Variants in SYNPR observed in about 807,000 individuals in gnomAD.
SYNPR encodes the protein synaptoporin.
Under a neutral mutation model 32.9 loss-of-function variants are expected in SYNPR, and 23 were observed. The ratio of observed to expected loss-of-function variants is 0.70; its 90% confidence interval spans 0.50 to 0.99. SYNPR has a LOEUF of 0.99. SYNPR is among the 50% of genes least tolerant of loss of function. The probability of loss-of-function intolerance (pLI) is 0.00; values close to 1 mark genes in which losing one functional copy is unlikely to be tolerated. For synonymous variants in SYNPR, 146 were observed against 135.9 expected (o/e 1.07, Z -0.52); for missense variants, 318 against 349.3 (o/e 0.91, Z 0.71).
intron 4 of SYNPR, among the ~76,000 whole-genome samples, chr3:63,559,124 G>A (rs35315042): frequency 1.4e-5 from 2 of 145,386 alleles, no homozygotes; most frequent in Non-Finnish European, 3.0e-5. Context: ...CTGCTGTGTA[G>A]TGGAGCGATC....
At chr3:63,380,545 T>C (rs978076931) in intron 2 of SYNPR, among the ~76,000 whole-genome samples, 19 of 152,228 alleles carry the variant, frequency 1.2e-4, no homozygotes, top group African/African-American at 4.6e-4. Context: ...GTTTGTTTTT[T>C]TCTTGTAAAT....
At chr3:63,242,708 G>T (rs1283490755) in intron 1 of SYNPR, among the ~76,000 whole-genome samples, 1 of 152,084 alleles carries the variant, frequency 6.6e-6, no homozygotes, top group Non-Finnish European at 1.5e-5. Flanking sequence ...AACATGAAAG[G>T]AAGTGAATTG....
At chr3:63,468,203 A>G (rs1157173597) in intron 2 of SYNPR, among the ~76,000 whole-genome samples, 1 of 151,858 alleles carries the variant, frequency 6.6e-6, no homozygotes, top group East Asian at 1.9e-4. Flanking sequence ...TCAAAAAAAA[A>G]AAAAAAAAAA....
chr3:63,595,710 T>A (rs1181800078), intron 4 of SYNPR, among the ~76,000 whole-genome samples: 6 of 79,606 alleles, frequency 7.5e-5, no homozygotes, highest in Admixed American at 2.0e-4. Context: ...GACTTCTGAA[T>A]CTTATTTTAT....
intron 5 of SYNPR, among the ~76,000 whole-genome samples, chr3:63,613,251 T>A (rs1700228223): frequency 6.6e-6 from 1 of 152,046 alleles, no homozygotes; most frequent in Admixed American, 6.6e-5. Context: ...AGGTGCAATT[T>A]AATCAAGATC....
intron 3 of SYNPR, among the ~76,000 whole-genome samples, chr3:63,522,739 A>AT (rs5849562): frequency 0.99 from 150,122 of 152,232 alleles, 74,030 homozygotes; most frequent in East Asian, 1. Context: ...TCAACCAAGC[A>AT]TCCCCAGCAC....
At position 63,543,781 on chromosome 3, in the gene SYNPR, C is replaced by T. The variant is rs185109479; in HGVS notation, c.210-12762C>T. On this transcript the variant is annotated intron_variant, in intron 3 of 5. Transcript: ENST00000478300. ...GGATAAGCAGGAAGTAGCCCTCGTC[C>T]CCTACCCTTCCTCAATGCCCTAGAC... 6.2e-4 allele frequency among the ~76,000 whole-genome samples: 95 copies of T among 152,134 alleles called. No individual in the cohort carries two copies. In the Middle Eastern group the frequency reaches 0.01, roughly 16 times the overall value.
intron 2 of SYNPR, among the ~76,000 whole-genome samples, chr3:63,410,139 A>C (rs2088442631): frequency 6.6e-6 from 1 of 152,162 alleles, no homozygotes; most frequent in Admixed American, 6.5e-5. Flanking sequence ...TCATTCATGC[A>C]ATTACTTATC....
the SYNPR span, among the ~76,000 whole-genome samples, chr3:63,206,377 C>G: frequency 3.9e-5 from 6 of 151,976 alleles, no homozygotes; most frequent in African/African-American, 7.3e-5. Flanking sequence ...CTTTGGGAGG[C>G]CGAAGTGGGC....
At chr3:63,266,063 T>A (rs540373966) in intron 2 of SYNPR, among the ~76,000 whole-genome samples, 2 of 152,150 alleles carry the variant, frequency 1.3e-5, no homozygotes, top group African/African-American at 4.8e-5. Context: ...CTAGCAAACC[T>A]GGCCAAAGTT....
chr3:63,436,935 G>C (rs1270965464), intron 2 of SYNPR, among the ~76,000 whole-genome samples: 1 of 152,112 alleles, frequency 6.6e-6, no homozygotes, highest in Non-Finnish European at 1.5e-5. Flanking sequence ...GAAGTGCAGT[G>C]GCACAATCTC....
At chr3:63,223,873 G>C (rs2106867642), upstream of SYNPR, among the ~76,000 whole-genome samples, 1 of 152,248 alleles carries the variant, frequency 6.6e-6, no homozygotes, top group Admixed American at 6.5e-5. Flanking sequence ...AGCAGAATTT[G>C]TGTCTGAATT....
intron 2 of SYNPR, among the ~76,000 whole-genome samples, chr3:63,433,038 C>A (rs1332917743): frequency 6.6e-6 from 1 of 152,132 alleles, no homozygotes; most frequent in Non-Finnish European, 1.5e-5. Context: ...GATGGGCAGC[C>A]AAATCTGAGA....
At chr3:63,240,816 A>T (rs1190488814) in intron 1 of SYNPR, among the ~76,000 whole-genome samples, 1 of 152,080 alleles carries the variant, frequency 6.6e-6, no homozygotes, top group Non-Finnish European at 1.5e-5. Flanking sequence ...CTGGGACTCC[A>T]GTCTATACAA....
chr3:63,556,126 G>A (rs1008972368), intron 3 of SYNPR, among the ~76,000 whole-genome samples: 28 of 152,206 alleles, frequency 1.8e-4, no homozygotes, highest in African/African-American at 6.0e-4. Flanking sequence ...GCAGGCCAAT[G>A]TAGTTGAAAC....
At chr3:63,504,119 A>G (rs1428283507) in intron 3 of SYNPR, among the ~76,000 whole-genome samples, 1 of 152,154 alleles carries the variant, frequency 6.6e-6, no homozygotes, top group East Asian at 1.9e-4. Flanking sequence ...TTAATTGTTG[A>G]AATTAAAATA....
At chr3:63,422,028 T>C (rs1425293128) in intron 2 of SYNPR, among the ~76,000 whole-genome samples, 1 of 152,232 alleles carries the variant, frequency 6.6e-6, no homozygotes, top group African/African-American at 2.4e-5. Context: ...ATTCATTACA[T>C]ATTGCAAGAA....
At chr3:63,459,121 A>T (rs1485947642) in intron 2 of SYNPR, among the ~76,000 whole-genome samples, 1 of 151,812 alleles carries the variant, frequency 6.6e-6, no homozygotes. Context: ...CTGCTCCAAA[A>T]CTTTCCACTA....
intron 2 of SYNPR, among the ~76,000 whole-genome samples, chr3:63,366,480 T>C (rs948924495): frequency 6.6e-6 from 1 of 150,476 alleles, no homozygotes; most frequent in African/African-American, 2.4e-5. Flanking sequence ...ATATAAAGTA[T>C]GTGTACTTTT....
Sources: gnomAD v4.1 joint callset for allele counts (sites outside exome capture counted in the v4.1 genomes callset) on GRCh38, gnomAD v4.1.1 for gene constraint, MANE v1.5 for transcripts, NCBI Gene and HGNC (gene_info 2026-07-23, HGNC 2026-07-21) for gene names.